PPP1R1C: variants seen among roughly 807,000 people sequenced by gnomAD.
PPP1R1C encodes the protein protein phosphatase 1 regulatory subunit 1C.
PPP1R1C carries 15 observed loss-of-function variants against 17.4 expected under a neutral mutation model. The ratio of observed to expected loss-of-function variants is 0.86; its 90% CI spans 0.58 to 1.33. The LOEUF (loss-of-function observed/expected upper bound fraction) is 1.33, where lower values mean the gene tolerates loss of function less well. Ranked by LOEUF, PPP1R1C falls within the 40% of genes most tolerant of loss-of-function variation. The probability of loss-of-function intolerance (pLI) is 0.00; values close to 1 mark genes in which losing one functional copy is unlikely to be tolerated. For missense variants in PPP1R1C, 143 were observed against 130.0 expected, an observed-to-expected ratio of 1.10 and a Z score of -0.48; for synonymous variants, 35 against 43.1, an observed-to-expected ratio of 0.81 and a Z score of 0.73.
At chr2:182,128,868 G>A (rs1689939402) in intron 5 of PPP1R1C, 1 of 152,020 alleles carries the variant, frequency 6.6e-6, no homozygotes, top group African/African-American at 2.4e-5. Flanking sequence ...TTGCTACTAA[G>A]TGCTGCATAC....
At chr2:181,980,927 GTTT>G (rs34675053), upstream of PPP1R1C, among the ~76,000 whole-genome samples, 3 of 135,736 alleles carry the variant, frequency 2.2e-5, no homozygotes, top group Non-Finnish European at 3.2e-5. Context: ...ATAAGGAGAA[GTTT>G]TTTTTTTTTT....
rs376068127 is a variant in PPP1R1C at position 181,986,066 on chromosome 2, G to A, written c.-45G>A. 37 of 1,493,586 alleles carry A rather than the reference G, an allele frequency of 2.5e-5. No individual in the cohort carries two copies. Among genetic ancestry groups the A allele is most frequent in the East Asian group, 2.0e-4 (9 of 44,338 alleles). 92.5% of individuals were successfully genotyped at this position (1,493,586 alleles called of 1,614,324 possible). On this transcript the variant is annotated 5_prime_UTR_variant, in exon 1 of 5. Coordinates refer to ENST00000682840, the MANE Select transcript of PPP1R1C (RefSeq NM_001080545.3). ...ACATCCCGGACACCACTTAGGGTTA[G>A]TCTTTCTGAGCTCTTCACATCTCTG...
chr2:182,033,712 A>G (rs1686914487), intron 2 of PPP1R1C, among the ~76,000 whole-genome samples: 1 of 152,168 alleles, frequency 6.6e-6, no homozygotes, highest in East Asian at 1.9e-4. Context: ...TAAAATACAC[A>G]TCTGACCACA....
intron 2 of PPP1R1C, among the ~76,000 whole-genome samples, chr2:182,036,898 G>T (rs16822363): frequency 6.6e-6 from 1 of 152,036 alleles, no homozygotes; most frequent in African/African-American, 2.4e-5. Context: ...TGTTATATTA[G>T]CATGTTTCAA....
intron 2 of PPP1R1C, among the ~76,000 whole-genome samples, chr2:181,978,322 G>A (rs1332244186): frequency 6.6e-6 from 1 of 152,196 alleles, no homozygotes; most frequent in African/African-American, 2.4e-5. Context: ...TACCTTCTGG[G>A]TTCTGAATGT....
At chr2:182,002,931 C>CT (rs1215367302) in intron 2 of PPP1R1C, among the ~76,000 whole-genome samples, 2 of 55,248 alleles carry the variant, frequency 3.6e-5, no homozygotes, top group East Asian at 3.0e-4. Flanking sequence ...CCATAAACCT[C>CT]CCCCCCCCCA....
chr2:182,117,839 T>G (rs925359994), downstream of PPP1R1C: 1 of 152,202 alleles, frequency 6.6e-6, no homozygotes, highest in Non-Finnish European at 1.5e-5. Context: ...GTTTTCTTGA[T>G]TCAATACACC....
At chr2:181,965,265 A>G (rs1684886587) in intron 1 of PPP1R1C, among the ~76,000 whole-genome samples, 1 of 151,888 alleles carries the variant, frequency 6.6e-6, no homozygotes, top group Non-Finnish European at 1.5e-5. Flanking sequence ...TACTTTGTTG[A>G]TTGTTTCCTC....
intron 2 of PPP1R1C, among the ~76,000 whole-genome samples, chr2:182,015,511 G>A (rs546700023): frequency 8.7e-4 from 133 of 152,238 alleles, no homozygotes; most frequent in African/African-American, 2.9e-3. Context: ...CTGAGATTAT[G>A]TTGGGTCACA....
intron 4 of PPP1R1C, among the ~76,000 whole-genome samples, chr2:182,089,184 A>G (rs946047045): frequency 1.3e-5 from 2 of 152,248 alleles, no homozygotes; most frequent in Admixed American, 1.3e-4. Flanking sequence ...CAATTCTGAA[A>G]TAGATCCCAG....
chr2:182,033,631 T>C (rs1330623644), intron 2 of PPP1R1C, among the ~76,000 whole-genome samples: 2 of 152,174 alleles, frequency 1.3e-5, no homozygotes, highest in East Asian at 3.8e-4. Flanking sequence ...CTCCATTCTT[T>C]TACGATAACC....
chr2:181,975,118 T>A (rs1038649478), intron 1 of PPP1R1C: 1 of 151,990 alleles, frequency 6.6e-6, no homozygotes, highest in Non-Finnish European at 1.5e-5. Flanking sequence ...TTGGGGGTAA[T>A]TTAGATCAGT....
At chr2:182,028,495 C>G (rs1463557005) in intron 2 of PPP1R1C, among the ~76,000 whole-genome samples, 62 of 151,856 alleles carry the variant, frequency 4.1e-4, no homozygotes, top group Admixed American at 1.8e-3. Context: ...GGAGCAGGTT[C>G]TTCAGTTTCC....
At chr2:182,097,208 G>A (rs1688965730) in intron 4 of PPP1R1C, among the ~76,000 whole-genome samples, 1 of 152,166 alleles carries the variant, frequency 6.6e-6, no homozygotes, top group Admixed American at 6.5e-5. Context: ...CTCTTCTGGA[G>A]GAGGTTTTTC....
chr2:181,969,780 T>A (rs1463980086), intron 1 of PPP1R1C, among the ~76,000 whole-genome samples: 1 of 152,152 alleles, frequency 6.6e-6, no homozygotes, highest in African/African-American at 2.4e-5. Flanking sequence ...CTTGTAGGCA[T>A]GCTTGTTTTT....
At chr2:182,026,436 A>C (rs1686613694) in intron 2 of PPP1R1C, among the ~76,000 whole-genome samples, 1 of 135,936 alleles carries the variant, frequency 7.4e-6, no homozygotes, top group African/African-American at 2.7e-5. Flanking sequence ...ATGTCTAGCC[A>C]GTTTTCCCAG....
intron 1 of PPP1R1C, among the ~76,000 whole-genome samples, chr2:181,956,261 G>C (rs1483034744): frequency 6.6e-6 from 1 of 152,172 alleles, no homozygotes; most frequent in Admixed American, 6.5e-5. Flanking sequence ...GTATTCCATG[G>C]TGTATATGTG....
intron 4 of PPP1R1C, among the ~76,000 whole-genome samples, chr2:182,102,547 T>G (rs1372759064): frequency 1.3e-5 from 2 of 152,176 alleles, no homozygotes; most frequent in Non-Finnish European, 2.9e-5. Context: ...GCTGCACAAT[T>G]ACTTTGGGAA....
At chr2:182,028,978 G>A (rs1481234238) in intron 2 of PPP1R1C, among the ~76,000 whole-genome samples, 3 of 135,418 alleles carry the variant, frequency 2.2e-5, no homozygotes, top group African/African-American at 8.2e-5. Context: ...GGCCTTCTTT[G>A]TCTCTTTTGA....
Sources: gnomAD v4.1 joint callset for allele counts (sites outside exome capture counted in the v4.1 genomes callset) on GRCh38, gnomAD v4.1.1 for gene constraint, MANE v1.5 for transcripts, NCBI Gene and HGNC (gene_info 2026-07-23, HGNC 2026-07-21) for gene names.